Variants in SNRPN observed in about 807,000 individuals in gnomAD.
SNRPN encodes the protein small nuclear ribonucleoprotein-associated protein N.
In SNRPN, 7 loss-of-function variants were observed where a neutral mutation model predicts 25.2. The observed-to-expected ratio is 0.28, with a 90% CI of 0.16 to 0.52. The LOEUF (loss-of-function observed/expected upper bound fraction) is 0.52. SNRPN is among the 20% of genes least tolerant of loss of function. SNRPN has a pLI of 0.96. For synonymous variants in SNRPN, 124 were observed against 110.6 expected, an observed-to-expected ratio of 1.12 and a Z score of -0.76; for missense variants, 196 against 322.5, an observed-to-expected ratio of 0.61 and a Z score of 3.00.
In SNRPN at chr15:24,863,999, T is replaced by TTGTA. The variant is rs377443160; in HGVS notation, c.-579+7284_-579+7285insGTAT. ...TTTTAGATGTTTTTTCTTTTTTAAATTTTATTTATTTATTTATTTTTATTT... is the reference window on the plus strand; with the variant it reads ...TTTTAGATGTTTTTTCTTTTTTAAATTGTATTTATTTATTTATTTATTTTTATTT... On this transcript the variant is annotated intron_variant, in intron 1 of 11. Coordinates refer to the SNRPN transcript ENST00000400097. Among the ~76,000 whole-genome samples the TTGTA allele has an allele frequency of 9.4e-5, 14 of 148,840 alleles. 1 individual carries two copies. Among genetic ancestry groups the TTGTA allele is most frequent in the African/African-American group, 3.5e-4 (14 of 40,056 alleles).
chr15:24,854,061 C>G (rs1304884877), upstream of SNRPN, among the ~76,000 whole-genome samples: 1 of 151,536 alleles, frequency 6.6e-6, no homozygotes, highest in Non-Finnish European at 1.5e-5. Flanking sequence ...TTATTTTACA[C>G]TTACATTTTA....
intron 2 of SNRPN, among the ~76,000 whole-genome samples, chr15:24,896,964 CA>C (rs1296355909): frequency 2.0e-5 from 3 of 152,018 alleles, no homozygotes; most frequent in Admixed American, 1.3e-4. Context: ...CCAGCCTGGG[CA>C]ACATGGTAAA....
chr15:24,930,210 CAAAAA>C lies in SNRPN; in HGVS notation c.-391+10101_-391+10105del, dbSNP rs10554147. Among the ~76,000 whole-genome samples, 5 of 93,868 alleles carry C rather than the reference CAAAAA, an allele frequency of 5.3e-5. No individual in the cohort carries two copies. In the East Asian group the frequency reaches 9.0e-4, roughly 17 times the overall value. The allele number at this position is 93,868 out of a possible 152,430, so 61.6% of individuals were successfully genotyped here. On this transcript the variant is annotated intron_variant, in intron 3 of 11. Coordinates refer to the SNRPN transcript ENST00000400097. ...AAAATATAAAAATTACACCACAGTCCAAAAAAAAAAAAAAAAAAACTGTTCAAGAC... is the reference window on the plus strand; with the variant it reads ...AAAATATAAAAATTACACCACAGTCCAAAAAAAAAAAAAACTGTTCAAGAC...
In SNRPN at chr15:24,917,087, A is replaced by G. The variant is rs373786495; in HGVS notation, c.-504-2924A>G. On this transcript the variant is annotated intron_variant, in intron 2 of 11. Transcript: ENST00000400097. Reference sequence around the variant, plus strand: ...GTCCATTTTACAAACCTCTAGCTACAGAGCATCGATTGGTGCATTTTTACA... The same window carrying G: ...GTCCATTTTACAAACCTCTAGCTACGGAGCATCGATTGGTGCATTTTTACA... Among the ~76,000 whole-genome samples the G allele has an allele frequency of 5.3e-5, 8 of 152,336 alleles. No individual in the cohort carries two copies. The East Asian group carries it at 5.8e-4, about 11-fold the overall frequency.
chr15:24,880,915 G>A (rs2056516802), intron 1 of SNRPN, among the ~76,000 whole-genome samples: 1 of 149,380 alleles, frequency 6.7e-6, no homozygotes, highest in Admixed American at 6.6e-5. Context: ...GGGCTCAAGT[G>A]ATCCTCCCGC....
chr15:24,943,159 G>A (rs1248176635), intron 3 of SNRPN, among the ~76,000 whole-genome samples: 1 of 151,752 alleles, frequency 6.6e-6, no homozygotes, highest in Non-Finnish European at 1.5e-5. Context: ...CATTGACCAC[G>A]GCCTATAAAT....
At chr15:24,954,296 A>C (rs2062506614), upstream of SNRPN, among the ~76,000 whole-genome samples, 3 of 152,182 alleles carry the variant, frequency 2.0e-5, no homozygotes, top group Admixed American at 2.0e-4. Context: ...TAGGCAAAGA[A>C]AGGCTCTCCT....
At chr15:24,875,068 G>T (rs183849484) in intron 1 of SNRPN, among the ~76,000 whole-genome samples, 225 of 152,278 alleles carry the variant, frequency 1.5e-3, no homozygotes, top group Non-Finnish European at 2.8e-3. Flanking sequence ...ATAAAATAAT[G>T]ATGCATTTTA....
intron 2 of SNRPN, among the ~76,000 whole-genome samples, chr15:24,900,377 G>A (rs2058371510): frequency 6.6e-6 from 1 of 152,208 alleles, no homozygotes; most frequent in South Asian, 2.1e-4. Flanking sequence ...AGGAAACTTG[G>A]AATGGGGGAA....
chr15:24,918,597 TATATATATA>T (rs1566909430), intron 2 of SNRPN, among the ~76,000 whole-genome samples: 401 of 91,934 alleles, frequency 4.4e-3, no homozygotes, highest in Middle Eastern at 0.011. Context: ...AATATATATG[TATATATATA>T]ACATAATATA....
chr15:24,883,322 A>G (rs1363422987), intron 1 of SNRPN, among the ~76,000 whole-genome samples: 1 of 152,228 alleles, frequency 6.6e-6, no homozygotes, highest in Non-Finnish European at 1.5e-5. Context: ...ATCAGCCTGC[A>G]GGAAAGGCAC....
At chr15:24,967,844 A>T in intron 2 of SNRPN, 88 bp from the exon 3 acceptor site, 24 of 1,009,310 alleles carry the variant, frequency 2.4e-5, no homozygotes, top group Non-Finnish European at 3.7e-5. Context: ...ATCTTCTTAA[A>T]TGTAAGGGTA....
intron 2 of SNRPN, among the ~76,000 whole-genome samples, chr15:24,896,460 T>C (rs1441906943): frequency 6.6e-6 from 1 of 152,176 alleles, no homozygotes; most frequent in Non-Finnish European, 1.5e-5. Flanking sequence ...CCTTATCAGA[T>C]GAGCCACTTA....
chr15:24,937,509 C>G (rs2152982310), intron 3 of SNRPN, among the ~76,000 whole-genome samples: 1 of 152,132 alleles, frequency 6.6e-6, no homozygotes, highest in African/African-American at 2.4e-5. Context: ...GATGACAGAG[C>G]AAGACTGTCT....
chr15:24,910,729 G>A (rs889730910), intron 2 of SNRPN: 4 of 230,326 alleles, frequency 1.7e-5, no homozygotes, highest in East Asian at 1.1e-4. Context: ...TCCTGACTTC[G>A]TGTTCCACCC....
intron 2 of SNRPN, among the ~76,000 whole-genome samples, chr15:24,905,558 A>AT (rs553804802): frequency 3.3e-5 from 5 of 151,628 alleles, no homozygotes; most frequent in East Asian, 1.9e-4. Context: ...ATGTTAGTCA[A>AT]TTTTTTTTGT....
At chr15:24,966,361 C>A (rs937632698) in intron 2 of SNRPN, among the ~76,000 whole-genome samples, 2 of 152,156 alleles carry the variant, frequency 1.3e-5, no homozygotes, top group African/African-American at 4.8e-5. Flanking sequence ...CTTCCCTGTC[C>A]TCAGGATGCA....
intron 3 of SNRPN, among the ~76,000 whole-genome samples, chr15:24,927,476 A>ATTTTTT (rs71127023): frequency 4.0e-5 from 1 of 25,100 alleles, no homozygotes; most frequent in Non-Finnish European, 8.1e-5. Context: ...AAGTTTTTAA[A>ATTTTTT]TTTTTTTTTT....
Position 24,929,197 on chromosome 15 carries a change from T to C in SNRPN, c.-391+9073T>C, listed in dbSNP as rs2060628930. On this transcript the variant is annotated intron_variant, in intron 3 of 11. Coordinates refer to the SNRPN transcript ENST00000400097. This position sits in a 1 kb window ranked among gnomAD's most constrained non-coding sequence, Gnocchi z 5.3. ...TATGTGTGTATGTGTATATATATCT[T>C]CATGTATTTATAGTGATATTTTCCA... 6.6e-6 allele frequency among the ~76,000 whole-genome samples: 1 copy of C among 152,172 alleles called. No homozygotes were observed.
Sources: allele counts gnomAD v4.1 joint callset (sites outside exome capture counted in the v4.1 genomes callset), GRCh38; gene constraint gnomAD v4.1.1; non-coding constraint Gnocchi (gnomAD v3.1); transcripts MANE v1.5; gene names NCBI Gene and HGNC (gene_info 2026-07-23, HGNC 2026-07-21).